The following DCC variants were observed in gnomAD, a reference collection of about 807,000 sequenced individuals.
The protein encoded by DCC is DCC netrin 1 receptor, also known as netrin receptor DCC.
In DCC, 58 loss-of-function variants were observed where a neutral mutation model predicts 172.5. The observed-to-expected ratio is 0.34, with a 90% CI of 0.27 to 0.42. The LOEUF is 0.42. Ranked by LOEUF, DCC falls within the 10% of genes least tolerant of loss-of-function variation. The pLI, the probability that DCC is intolerant of heterozygous loss-of-function variation, is 1.00. For synonymous variants in DCC, 709 were observed against 644.5 expected (o/e 1.10, Z -1.52); for missense variants, 1,740 against 1,791.0 (o/e 0.97, Z 0.51).
chr18:53,498,799 G>T (rs188757351), intron 26 of DCC, among the ~76,000 whole-genome samples: 1 of 152,174 alleles, frequency 6.6e-6, no homozygotes, highest in Admixed American at 6.5e-5. Context: ...AATGATAGTG[G>T]TTATTATTTG....
chr18:53,402,757 C>A, intron 18 of DCC, 29 bp from the exon 19 acceptor site: 1 of 1,450,210 alleles, frequency 6.9e-7, no homozygotes, highest in Non-Finnish European at 9.7e-7. Flanking sequence ...CATCCAATGA[C>A]AAGGCCTTAT....
intron 5 of DCC, among the ~76,000 whole-genome samples, chr18:52,951,272 TC>T (rs2040642058): frequency 6.6e-6 from 1 of 152,138 alleles, no homozygotes; most frequent in African/African-American, 2.4e-5. Flanking sequence ...ACTTTACAAA[TC>T]TTTTTTTTTA....
At chr18:52,438,274 A>G (rs879526857) in intron 1 of DCC, among the ~76,000 whole-genome samples, 5 of 152,190 alleles carry the variant, frequency 3.3e-5, no homozygotes, top group African/African-American at 9.7e-5. Flanking sequence ...GTGCAAAAGC[A>G]TTTTGAAAAT....
intron 1 of DCC, among the ~76,000 whole-genome samples, chr18:52,347,670 A>T (rs1983937176): frequency 6.6e-6 from 1 of 152,148 alleles, no homozygotes; most frequent in Non-Finnish European, 1.5e-5. Context: ...GTAGGAGAGG[A>T]GATTAGAAAA....
At chr18:52,962,741 G>A (rs1426609774) in intron 5 of DCC, among the ~76,000 whole-genome samples, 3 of 151,820 alleles carry the variant, frequency 2.0e-5, no homozygotes, top group Non-Finnish European at 1.5e-5. Flanking sequence ...TTAAGAAAAT[G>A]TGGCACATAT....
At chr18:52,989,910 C>G (rs1455520662) in intron 5 of DCC, among the ~76,000 whole-genome samples, 1 of 152,126 alleles carries the variant, frequency 6.6e-6, no homozygotes, top group African/African-American at 2.4e-5. Context: ...ACTCACTGCA[C>G]AGGTAGAGAC....
intron 1 of DCC, among the ~76,000 whole-genome samples, chr18:52,342,276 T>TGC (rs1386238856): frequency 9.2e-6 from 1 of 109,024 alleles, no homozygotes; most frequent in Non-Finnish European, 2.1e-5. Context: ...GGTGTGTGTG[T>TGC]GTGCGTGTGT....
chr18:52,633,983 C>G (rs934164486), intron 1 of DCC, among the ~76,000 whole-genome samples: 3 of 152,238 alleles, frequency 2.0e-5, no homozygotes, highest in Non-Finnish European at 2.9e-5. Context: ...CTGCTCATGG[C>G]AGGTGGATGG....
chr18:53,399,155 T>A (rs1010453), intron 18 of DCC, among the ~76,000 whole-genome samples: 64,496 of 151,978 alleles, frequency 0.42, 15,458 homozygotes, highest in Non-Finnish European at 0.55. Context: ...ACACTTTAAA[T>A]AATTAGGCCT....
intron 2 of DCC, among the ~76,000 whole-genome samples, chr18:52,881,698 AC>A (rs1201316206): frequency 1.3e-5 from 2 of 152,114 alleles, no homozygotes; most frequent in Admixed American, 6.5e-5. Flanking sequence ...TGTGTTGGTT[AC>A]TATAGCTCTG....
rs545047282 is a variant in DCC, at chr18:52,921,761, G to C, written c.698-1946G>C. On this transcript the variant is annotated intron_variant, in intron 3 of 28. Transcript: ENST00000442544. ...TGAAAGGAAAAAGTGTCCCTTCCAT[G>C]GGTAAATTAGTAGCATCGTTGATAG... 2.6e-5 allele frequency among the ~76,000 whole-genome samples: 4 copies of C among 151,068 alleles called. No homozygotes were observed. The South Asian group carries it at 6.3e-4, about 24-fold the overall frequency.
At chr18:53,413,598 G>C (rs1042065868) in intron 20 of DCC, among the ~76,000 whole-genome samples, 1 of 152,094 alleles carries the variant, frequency 6.6e-6, no homozygotes, top group African/African-American at 2.4e-5. Context: ...AATGAGAATG[G>C]GTTTGTCTAT....
In DCC at chr18:52,803,653, A is replaced by G. The variant is rs868410393; in HGVS notation, c.412+51279A>G. Among the ~76,000 whole-genome samples, 18 of 152,236 alleles carry G rather than the reference A, an allele frequency of 1.2e-4. No individual in the cohort carries two copies. The South Asian group carries it at 1.2e-3, about 11-fold the overall frequency. ...GGTTTTCAAATTATTGCAAATCTCCAAAAAAAGTTTCCAAAATGTCTATTG... is the reference window on the plus strand; with the variant it reads ...GGTTTTCAAATTATTGCAAATCTCCGAAAAAAGTTTCCAAAATGTCTATTG... On this transcript the variant is annotated intron_variant, in intron 2 of 28. Transcript: ENST00000442544.
intron 5 of DCC, among the ~76,000 whole-genome samples, chr18:52,936,011 C>T (rs1244723523): frequency 7.9e-5 from 12 of 151,990 alleles, no homozygotes. Flanking sequence ...TGATTATCCT[C>T]TACAATGTAA....
intron 5 of DCC, among the ~76,000 whole-genome samples, chr18:52,928,798 A>G (rs138497220): frequency 4.3e-4 from 66 of 152,258 alleles, no homozygotes; most frequent in Non-Finnish European, 7.2e-4. Context: ...AATTTGTTGA[A>G]GAAGCTGCCG....
At chr18:53,012,839 G>T (rs1390040845) in intron 5 of DCC, among the ~76,000 whole-genome samples, 2 of 151,908 alleles carry the variant, frequency 1.3e-5, no homozygotes, top group Admixed American at 6.6e-5. Flanking sequence ...TCTGACAAAG[G>T]TCTAATATCC....
At chr18:52,392,861 T>C (rs974046430) in intron 1 of DCC, among the ~76,000 whole-genome samples, 3 of 152,136 alleles carry the variant, frequency 2.0e-5, no homozygotes, top group South Asian at 2.1e-4. Context: ...AATCGAACTA[T>C]GCAATACCAA....
chr18:53,208,038 A>G (rs942959309), intron 11 of DCC, among the ~76,000 whole-genome samples: 12 of 151,714 alleles, frequency 7.9e-5, no homozygotes, highest in Admixed American at 1.3e-4. Flanking sequence ...CTGAGGCAGG[A>G]GGATGAGTTA....
At chr18:52,730,651 C>T (rs1228069390) in intron 1 of DCC, among the ~76,000 whole-genome samples, 1 of 152,124 alleles carries the variant, frequency 6.6e-6, no homozygotes, top group Non-Finnish European at 1.5e-5. Context: ...TACAGCATGA[C>T]CATGCAAGCT....
Sources: allele counts gnomAD v4.1 joint callset (sites outside exome capture counted in the v4.1 genomes callset), GRCh38; gene constraint gnomAD v4.1.1; transcripts MANE v1.5; gene names NCBI Gene and HGNC (gene_info 2026-07-23, HGNC 2026-07-21).